The following GRIK4 variants were observed in gnomAD, a reference collection of about 807,000 sequenced individuals.
GRIK4 encodes the protein glutamate receptor ionotropic, kainate 4.
In GRIK4, 40 loss-of-function variants were observed where a neutral mutation model predicts 104.9. That is an observed-to-expected ratio of 0.38 (90% CI 0.30 to 0.50). The LOEUF (loss-of-function observed/expected upper bound fraction) is 0.50, where lower values mean the gene tolerates loss of function less well. Among genes scored for constraint, GRIK4 ranks in the 20% least tolerant of loss-of-function variants. The pLI, the probability that GRIK4 is intolerant of heterozygous loss-of-function variation, is 0.93. For missense variants in GRIK4, 1,047 were observed against 1,308.1 expected (o/e 0.80, Z 3.08); for synonymous variants, 485 against 524.9 (o/e 0.92, Z 1.04).
At chr11:120,660,248 C>T (rs1306756820) in intron 2 of GRIK4, 21 bp from the exon 3 acceptor site, 4 of 1,129,208 alleles carry the variant, frequency 3.5e-6, no homozygotes, top group Non-Finnish European at 5.3e-6. Context: ...ACTCACGTGC[C>T]CCCAACCCCC....
chr11:120,784,610 T>C lies in GRIK4; in HGVS notation c.83-18083T>C, dbSNP rs545129707. ...TAAGACCCTCAGTGGTCCTATGGCT[T>C]AGGGTCACCCTGTCTAGAATCAGGG... is the stretch of plus-strand genomic sequence containing the variant. On this transcript the variant is annotated intron_variant, in intron 3 of 20. Coordinates refer to ENST00000527524, the MANE Select transcript of GRIK4 (RefSeq NM_014619.5). Among the ~76,000 whole-genome samples, 12 of 152,204 alleles carry C rather than the reference T, an allele frequency of 7.9e-5. No homozygotes were observed. The South Asian group carries it at 2.3e-3, about 29-fold the overall frequency.
chr11:120,607,420 G>A (rs909596727), intron 1 of GRIK4, among the ~76,000 whole-genome samples: 1 of 152,218 alleles, frequency 6.6e-6, no homozygotes, highest in African/African-American at 2.4e-5. Context: ...CCAGGTGCTT[G>A]CAGCTTGGGG....
At chr11:120,904,667 C>T (rs1254343336) in intron 12 of GRIK4, among the ~76,000 whole-genome samples, 2 of 152,238 alleles carry the variant, frequency 1.3e-5, no homozygotes, top group African/African-American at 4.8e-5. Context: ...CTCCGGCTAC[C>T]CTGGAAGGTC....
chr11:120,650,502 C>A (rs1440400867), intron 1 of GRIK4, among the ~76,000 whole-genome samples: 1 of 152,256 alleles, frequency 6.6e-6, no homozygotes, highest in Non-Finnish European at 1.5e-5. Flanking sequence ...CGCATCCCCC[C>A]TCCCAGACCT....
At chr11:120,955,791 G>A (rs117391123) in intron 15 of GRIK4, among the ~76,000 whole-genome samples, 6,145 of 151,966 alleles carry the variant, frequency 0.04, 183 homozygotes, top group Admixed American at 0.071. Flanking sequence ...TTTGGGAGTG[G>A]AACTCAAGCA....
intron 20 of GRIK4, among the ~76,000 whole-genome samples, chr11:120,983,305 A>G (rs1160699258): frequency 2.6e-5 from 4 of 152,126 alleles, no homozygotes; most frequent in Admixed American, 6.5e-5. Context: ...TCCTCTTCCA[A>G]ACCAAGGGGA....
At position 120,902,323 on chromosome 11, in the gene GRIK4, C is replaced by T. The variant is rs1942759608; in HGVS notation, c.1273-2967C>T. Among the ~76,000 whole-genome samples, 3 of 152,184 alleles carry T rather than the reference C, an allele frequency of 2.0e-5. No individual in the cohort carries two copies. The highest frequency in any genetic ancestry group is 7.2e-5 in the African/African-American group (3 of 41,440). ...TGCTCCAGGCTAGCACTCAACACCCCAGCATTCTCCAAGGTGCCAGTGAGC... is the reference window on the plus strand; with the variant it reads ...TGCTCCAGGCTAGCACTCAACACCCTAGCATTCTCCAAGGTGCCAGTGAGC... On this transcript the variant is annotated intron_variant, in intron 12 of 20. Transcript: ENST00000527524. This position sits in a 1 kb window ranked among gnomAD's most constrained non-coding sequence, Gnocchi z 4.5.
intron 6 of GRIK4, among the ~76,000 whole-genome samples, chr11:120,825,868 G>T (rs989612576): frequency 6.6e-6 from 1 of 152,232 alleles, no homozygotes; most frequent in African/African-American, 2.4e-5. Flanking sequence ...TTATGGCAGT[G>T]GGGGTGGAGG....
intron 13 of GRIK4, among the ~76,000 whole-genome samples, chr11:120,907,884 G>A (rs1173287870): frequency 6.6e-6 from 1 of 152,164 alleles, no homozygotes; most frequent in Non-Finnish European, 1.5e-5. Flanking sequence ...TGCCACTGGG[G>A]TTGGTCCTGG....
intron 3 of GRIK4, among the ~76,000 whole-genome samples, chr11:120,763,552 A>G (rs1951785446): frequency 6.6e-6 from 1 of 152,090 alleles, no homozygotes; most frequent in African/African-American, 2.4e-5. Context: ...CAATTTTTAG[A>G]TCTTTCCTGC....
At chr11:120,756,529 T>C (rs1032776029) in intron 3 of GRIK4, among the ~76,000 whole-genome samples, 4 of 152,194 alleles carry the variant, frequency 2.6e-5, no homozygotes, top group African/African-American at 9.7e-5. Flanking sequence ...AAGACTTGGC[T>C]CAAAGGGCTG....
chr11:120,638,279 C>G (rs2135195364), intron 1 of GRIK4, among the ~76,000 whole-genome samples: 1 of 152,292 alleles, frequency 6.6e-6, no homozygotes, highest in East Asian at 1.9e-4. Context: ...ACTCTTAACA[C>G]TCTACAGAGA....
intron 13 of GRIK4, among the ~76,000 whole-genome samples, chr11:120,910,485 A>C (rs1320968135): frequency 1.3e-5 from 2 of 152,006 alleles, no homozygotes; most frequent in Non-Finnish European, 2.9e-5. Flanking sequence ...CTCAGGTTTG[A>C]ATTTGTTTTG....
At position 120,664,085 on chromosome 11, in the gene GRIK4, A is replaced by G. The variant is rs75915240; in HGVS notation, c.82+3685A>G. 7.6e-4 allele frequency among the ~76,000 whole-genome samples: 116 copies of G among 152,336 alleles called. 1 individual carries two copies. The highest frequency in any genetic ancestry group is 2.7e-3 in the African/African-American group (114 of 41,580). On this transcript the variant is annotated intron_variant, in intron 3 of 20. Transcript: ENST00000527524. ...GAAGTATATGGGTGCAGTTTAATGA[A>G]TGTGATGGATAGATGAATCCATGGT...
At chr11:120,942,293 G>A (rs1342947137) in intron 14 of GRIK4, among the ~76,000 whole-genome samples, 5 of 152,308 alleles carry the variant, frequency 3.3e-5, no homozygotes, top group Non-Finnish European at 4.4e-5. Flanking sequence ...TCTTGCCATC[G>A]TTACATCTGT....
At chr11:120,649,782 A>G (rs971750155) in intron 1 of GRIK4, among the ~76,000 whole-genome samples, 2 of 152,122 alleles carry the variant, frequency 1.3e-5, no homozygotes, top group African/African-American at 4.8e-5. Flanking sequence ...CAGAGGAGAG[A>G]GGGTTATATT....
intron 13 of GRIK4, among the ~76,000 whole-genome samples, chr11:120,934,731 A>G (rs914611151): frequency 6.6e-6 from 1 of 152,182 alleles, no homozygotes; most frequent in African/African-American, 2.4e-5. Context: ...TAGGGAGAGG[A>G]GAGAGGTCTT....
At chr11:120,726,645 G>C (rs113586995) in intron 3 of GRIK4, among the ~76,000 whole-genome samples, 108 of 152,264 alleles carry the variant, frequency 7.1e-4, no homozygotes, top group African/African-American at 2.5e-3. Context: ...AATTAATAGA[G>C]ATGGTATATT....
intron 3 of GRIK4, among the ~76,000 whole-genome samples, chr11:120,766,626 A>G (rs1043890672): frequency 2.0e-5 from 3 of 152,288 alleles, no homozygotes; most frequent in African/African-American, 4.8e-5. Context: ...TGCAAAGACC[A>G]TGGGAAAAGC....
Sources: allele counts gnomAD v4.1 joint callset (sites outside exome capture counted in the v4.1 genomes callset), GRCh38; gene constraint gnomAD v4.1.1; non-coding constraint Gnocchi (gnomAD v3.1); transcripts MANE v1.5; gene names NCBI Gene and HGNC (gene_info 2026-07-23, HGNC 2026-07-21).